The following MAPRE2 variants were observed in gnomAD, a reference collection of about 807,000 sequenced individuals.
MAPRE2 encodes the protein microtubule-associated protein RP/EB family member 2.
A neutral mutation model predicts 43.2 loss-of-function variants in MAPRE2; 13 were observed. The observed-to-expected ratio is 0.30, with a 90% CI of 0.20 to 0.48. MAPRE2 has a LOEUF of 0.48. MAPRE2 is among the 20% of genes least tolerant of loss of function. The pLI is 0.99. For missense variants in MAPRE2, 161 were observed against 400.2 expected (o/e 0.40, Z 5.10); for synonymous variants, 135 against 148.8 (o/e 0.91, Z 0.68).
At chr18:35,084,637 G>T (rs1418914424) in intron 2 of MAPRE2, among the ~76,000 whole-genome samples, 1 of 152,224 alleles carries the variant, frequency 6.6e-6, no homozygotes, top group Non-Finnish European at 1.5e-5. Context: ...GTGCTTTTCA[G>T]CACTCTCTTC....
intron 2 of MAPRE2, among the ~76,000 whole-genome samples, chr18:35,090,277 T>G (rs1410562525): frequency 2.6e-5 from 4 of 152,064 alleles, no homozygotes; most frequent in African/African-American, 9.7e-5. Context: ...TTTCAAAAGG[T>G]TGAACTTTAG....
intron 3 of MAPRE2, 122 bp from the exon 4 acceptor site, chr18:35,101,824 T>C (rs1908695127): frequency 2.9e-6 from 2 of 700,970 alleles, no homozygotes; most frequent in East Asian, 5.5e-5. Flanking sequence ...ATCTTAGCTA[T>C]TATAAACAGT....
intron 5 of MAPRE2, among the ~76,000 whole-genome samples, chr18:35,129,656 C>A (rs150642815): frequency 2.6e-5 from 4 of 152,288 alleles, no homozygotes; most frequent in African/African-American, 9.6e-5. Context: ...GGTTGGTCTT[C>A]GCTCGGAGCG....
chr18:35,095,390 A>ACACACG (rs1555917917), intron 2 of MAPRE2, among the ~76,000 whole-genome samples: 10 of 145,744 alleles, frequency 6.9e-5, no homozygotes, highest in African/African-American at 1.6e-4. Context: ...ACACACACAC[A>ACACACG]CACACACACA....
chr18:35,051,127 T>C (rs938658257), intron 1 of MAPRE2, among the ~76,000 whole-genome samples: 2 of 152,138 alleles, frequency 1.3e-5, no homozygotes, highest in Non-Finnish European at 2.9e-5. Flanking sequence ...GGGGTGAACA[T>C]GCCAGCCTCT....
chr18:35,095,394 A>ACACG (rs1555917949), intron 2 of MAPRE2, among the ~76,000 whole-genome samples: 7,521 of 144,976 alleles, frequency 0.052, 267 homozygotes, highest in East Asian at 0.15. Flanking sequence ...ACACACACAC[A>ACACG]CACACACGCA....
chr18:35,132,206 A>G lies in MAPRE2; in HGVS notation c.909+16A>G, dbSNP rs967447891. ...AGAAGAACACGTAAGTGTGAGGAGC[A>G]TGTGACTCCTGTGTTCTAAAATGAC... On this transcript the variant is annotated intron_variant, in intron 6 of 6. Transcript: ENST00000300249. 1 of 1,612,626 alleles carries G rather than the reference A, an allele frequency of 6.2e-7. No individual in the cohort carries two copies. The highest frequency in any genetic ancestry group is 1.3e-5 in the African/African-American group (1 of 74,912).
intron 1 of MAPRE2, among the ~76,000 whole-genome samples, chr18:34,977,262 G>T (rs990907864): frequency 2.0e-5 from 3 of 152,182 alleles, no homozygotes; most frequent in Non-Finnish European, 4.4e-5. Context: ...TGCAAGGGTC[G>T]GCTAGGCGGT....
chr18:35,086,272 G>C (rs774388325), intron 2 of MAPRE2, among the ~76,000 whole-genome samples: 2 of 151,640 alleles, frequency 1.3e-5, no homozygotes, highest in African/African-American at 2.4e-5. Flanking sequence ...ATATATACAT[G>C]TATATATGAG....
At chr18:35,130,314 C>T (rs897302978) in intron 5 of MAPRE2, among the ~76,000 whole-genome samples, 1 of 152,092 alleles carries the variant, frequency 6.6e-6, no homozygotes, top group Non-Finnish European at 1.5e-5. Context: ...AAGCTGGTCA[C>T]CTTCAGTTTT....
At chr18:35,061,325 A>G (rs550001064) in intron 1 of MAPRE2, among the ~76,000 whole-genome samples, 1 of 152,330 alleles carries the variant, frequency 6.6e-6, no homozygotes, top group East Asian at 1.9e-4. Context: ...CTAAACCATC[A>G]ATGCCTAATT....
chr18:35,069,382 T>TG (rs1207657220), intron 1 of MAPRE2, among the ~76,000 whole-genome samples: 5 of 138,922 alleles, frequency 3.6e-5, no homozygotes, highest in African/African-American at 1.7e-4. Flanking sequence ...TAATATTCTG[T>TG]TTTTTTTAAA....
chr18:34,985,295 T>TAA (rs2097019294), intron 1 of MAPRE2, among the ~76,000 whole-genome samples: 6 of 41,428 alleles, frequency 1.4e-4, no homozygotes, highest in Non-Finnish European at 2.3e-4. Flanking sequence ...ATATATTATA[T>TAA]TATATATTGT....
intron 1 of MAPRE2, chr18:34,978,515 G>C: frequency 6.4e-7 from 1 of 1,551,574 alleles, no homozygotes; most frequent in Non-Finnish European, 8.7e-7. Context: ...AGGACACTGT[G>C]GAATGAAACA....
At chr18:35,031,592 T>C (rs1302425868) in intron 2 of MAPRE2, among the ~76,000 whole-genome samples, 2 of 152,208 alleles carry the variant, frequency 1.3e-5, no homozygotes, top group Middle Eastern at 3.2e-3. Flanking sequence ...TGAGTTATTC[T>C]ACAAAATTAA....
chr18:34,998,087 G>T (rs2097027399), intron 1 of MAPRE2, among the ~76,000 whole-genome samples: 1 of 152,086 alleles, frequency 6.6e-6, no homozygotes, highest in African/African-American at 2.4e-5. Flanking sequence ...AATTTAGCAT[G>T]AATTTTTTTT....
At chr18:34,991,817 C>T (rs774091839) in intron 1 of MAPRE2, among the ~76,000 whole-genome samples, 6 of 152,098 alleles carry the variant, frequency 3.9e-5, no homozygotes, top group South Asian at 2.1e-4. Context: ...GTAAGCCATG[C>T]GGGATAGGTA....
intron 1 of MAPRE2, among the ~76,000 whole-genome samples, chr18:35,069,802 C>T (rs16966374): frequency 0.029 from 4,363 of 152,232 alleles, 198 homozygotes; most frequent in African/African-American, 0.1. Flanking sequence ...AAAACACTAA[C>T]GTTTCCAAGT....
At chr18:35,102,976 T>G (rs1265381073) in intron 4 of MAPRE2, among the ~76,000 whole-genome samples, 1 of 152,154 alleles carries the variant, frequency 6.6e-6, no homozygotes, top group African/African-American at 2.4e-5. Flanking sequence ...ATTTCTTATT[T>G]GTGCCCAAAC....
Sources: gnomAD v4.1 joint callset for allele counts (sites outside exome capture counted in the v4.1 genomes callset) on GRCh38, gnomAD v4.1.1 for gene constraint, MANE v1.5 for transcripts, NCBI Gene and HGNC (gene_info 2026-07-23, HGNC 2026-07-21) for gene names.